The following BICRAL variants were observed in gnomAD, a reference collection of about 807,000 sequenced individuals.
The protein encoded by BICRAL is BICRA like chromatin remodeling complex associated protein.
A neutral mutation model predicts 91.8 loss-of-function variants in BICRAL; 8 were observed. That is an observed-to-expected ratio of 0.09 (90% CI 0.05 to 0.16). The LOEUF is 0.16. Among genes scored for constraint, BICRAL ranks in the 10% least tolerant of loss-of-function variants. BICRAL has a pLI of 1.00. For synonymous variants in BICRAL, 445 were observed against 491.1 expected (o/e 0.91, Z 1.24); for missense variants, 1,038 against 1,310.9 (o/e 0.79, Z 3.21).
chr6:42,757,607 G>A (rs1007119830), intron 1 of BICRAL, among the ~76,000 whole-genome samples: 8 of 152,056 alleles, frequency 5.3e-5, no homozygotes, highest in East Asian at 1.9e-4. Flanking sequence ...GAAAGATCTC[G>A]AACTCCTGGC....
intron 1 of BICRAL, among the ~76,000 whole-genome samples, chr6:42,774,010 A>G (rs920065687): frequency 1.3e-5 from 2 of 152,216 alleles, no homozygotes; most frequent in Admixed American, 1.3e-4. Context: ...ACCCGTCCAG[A>G]TGTGATTGCA....
At chr6:42,845,130 G>A (rs1015540919) in intron 6 of BICRAL, among the ~76,000 whole-genome samples, 2 of 142,098 alleles carry the variant, frequency 1.4e-5, no homozygotes, top group Non-Finnish European at 3.0e-5. Context: ...TTCTTGGATG[G>A]TAAATTTGAG....
chr6:42,800,386 A>C, intron 1 of BICRAL, among the ~76,000 whole-genome samples: 1 of 151,426 alleles, frequency 6.6e-6, no homozygotes, highest in South Asian at 2.1e-4. Flanking sequence ...CTGGTCTCCA[A>C]CTCCTGACCT....
intron 5 of BICRAL, among the ~76,000 whole-genome samples, chr6:42,825,164 G>A (rs1470957741): frequency 1.3e-5 from 2 of 151,412 alleles, no homozygotes; most frequent in East Asian, 1.9e-4. Context: ...GGAGACTGAG[G>A]CAGGAGAATT....
chr6:42,847,483 A>G (rs1476330745), intron 6 of BICRAL, among the ~76,000 whole-genome samples: 1 of 152,218 alleles, frequency 6.6e-6, no homozygotes, highest in Non-Finnish European at 1.5e-5. Flanking sequence ...ATACATTAAA[A>G]GTATTGATTT....
chr6:42,846,739 G>A (rs947772940), intron 6 of BICRAL, among the ~76,000 whole-genome samples: 3 of 152,222 alleles, frequency 2.0e-5, no homozygotes, highest in African/African-American at 7.2e-5. Context: ...ACCCCTCTGG[G>A]TAGACAACCT....
At chr6:42,849,828 G>T (rs535082327) in intron 6 of BICRAL, among the ~76,000 whole-genome samples, 91 of 151,980 alleles carry the variant, frequency 6.0e-4, no homozygotes, top group Non-Finnish European at 1.0e-3. Flanking sequence ...AAGGCAGGTG[G>T]ATCACTTGAG....
chr6:42,773,372 C>T (rs983277642), intron 1 of BICRAL, among the ~76,000 whole-genome samples: 1 of 151,896 alleles, frequency 6.6e-6, no homozygotes, highest in Non-Finnish European at 1.5e-5. Flanking sequence ...GCCACTGCAC[C>T]TGGCTGCAAT....
At chr6:42,761,656 C>T (rs1024537384) in intron 1 of BICRAL, among the ~76,000 whole-genome samples, 1 of 151,766 alleles carries the variant, frequency 6.6e-6, no homozygotes, top group East Asian at 1.9e-4. Context: ...ACTTGTAGTC[C>T]CAGAACTTTG....
chr6:42,832,578 C>CGTGT (rs59693040), intron 6 of BICRAL, among the ~76,000 whole-genome samples: 17,392 of 142,600 alleles, frequency 0.12, 1,406 homozygotes, highest in African/African-American at 0.24. Flanking sequence ...ATCAAAGGGG[C>CGTGT]GTGTGTGTGT....
intron 2 of BICRAL, among the ~76,000 whole-genome samples, chr6:42,818,091 A>G (rs1330441236): frequency 2.0e-5 from 3 of 151,974 alleles, no homozygotes; most frequent in African/African-American, 7.3e-5. Flanking sequence ...AATTGCCCTC[A>G]CTAGAGGTTA....
intron 1 of BICRAL, among the ~76,000 whole-genome samples, chr6:42,769,279 G>A (rs544526694): frequency 6.6e-6 from 1 of 152,306 alleles, no homozygotes; most frequent in Non-Finnish European, 1.5e-5. Flanking sequence ...ATTAGCTATT[G>A]GCTGGAGACT....
intron 1 of BICRAL, among the ~76,000 whole-genome samples, chr6:42,774,603 G>A (rs866352176): frequency 1.3e-4 from 19 of 150,984 alleles, no homozygotes; most frequent in African/African-American, 4.1e-4. Context: ...GATTTATAGT[G>A]AGAGAGATAT....
chr6:42,809,236 G>C (rs757756786), intron 1 of BICRAL, among the ~76,000 whole-genome samples: 42 of 151,414 alleles, frequency 2.8e-4, no homozygotes, highest in East Asian at 5.8e-4. Flanking sequence ...ATGGTTTCCA[G>C]CTTCATCCAT....
chr6:42,797,984 A>G (rs1392660792), intron 1 of BICRAL, among the ~76,000 whole-genome samples: 1 of 152,180 alleles, frequency 6.6e-6, no homozygotes, highest in Admixed American at 6.5e-5. Context: ...TCAAAAATAA[A>G]TAAATAAAAT....
chr6:42,771,383 A>G (rs576572006), intron 1 of BICRAL, among the ~76,000 whole-genome samples: 7 of 148,594 alleles, frequency 4.7e-5, no homozygotes, highest in East Asian at 4.0e-4. Context: ...TGTTTTTTCT[A>G]CTTTTCTCAT....
rs368033120 is a variant in BICRAL at position 42,822,857 on chromosome 6, T to C, written c.90+13T>C. 3.6e-5 allele frequency: 55 copies of C among 1,530,146 alleles called. No homozygotes were observed. In the African/African-American group the frequency reaches 6.4e-4, roughly 18 times the overall value. 94.8% of individuals were successfully genotyped at this position (1,530,146 alleles called of 1,614,324 possible). On this transcript the variant is annotated intron_variant, in intron 4 of 12. Coordinates refer to ENST00000314073, the MANE Select transcript of BICRAL (RefSeq NM_001393499.1). ...TAGTAATAAATCTGTAAGTAATGCA[T>C]AGAATACCACAGACATCTATTTTGT... is the stretch of plus-strand genomic sequence containing the variant.
intron 1 of BICRAL, among the ~76,000 whole-genome samples, chr6:42,799,296 CTTTT>C (rs573158175): frequency 7.3e-6 from 1 of 137,006 alleles, no homozygotes; most frequent in Admixed American, 7.4e-5. Flanking sequence ...ACCACTAAAT[CTTTT>C]TTTTTTTTTT....
At chr6:42,813,548 C>T (rs1763896677) in intron 2 of BICRAL, among the ~76,000 whole-genome samples, 2 of 152,114 alleles carry the variant, frequency 1.3e-5, no homozygotes, top group Admixed American at 1.3e-4. Context: ...GGGATAGAAT[C>T]TCTGTCTGTC....
Sources: gnomAD v4.1 joint callset for allele counts (sites outside exome capture counted in the v4.1 genomes callset) on GRCh38, gnomAD v4.1.1 for gene constraint, MANE v1.5 for transcripts, NCBI Gene and HGNC (gene_info 2026-07-23, HGNC 2026-07-21) for gene names.